SFSWAP: variants seen among roughly 807,000 people sequenced by gnomAD.
SFSWAP encodes splicing factor SWAP.
Under a neutral mutation model 100.7 loss-of-function variants are expected in SFSWAP, and 17 were observed. The observed-to-expected ratio is 0.17, with a 90% CI of 0.12 to 0.25. The LOEUF is 0.25. Among genes scored for constraint, SFSWAP ranks in the 10% least tolerant of loss-of-function variants. The pLI is 1.00. For missense variants in SFSWAP, 1,005 were observed against 1,262.6 expected (o/e 0.80, Z 3.09); for synonymous variants, 504 against 510.1 (o/e 0.99, Z 0.16).
chr12:131,737,371 G>A (rs1017147387), intron 7 of SFSWAP, among the ~76,000 whole-genome samples: 3 of 152,220 alleles, frequency 2.0e-5, no homozygotes, highest in Non-Finnish European at 2.9e-5. Flanking sequence ...AGACAGGAGT[G>A]GCTGACTCAC....
chr12:131,791,180 G>A (rs1311205240), intron 15 of SFSWAP, among the ~76,000 whole-genome samples: 1 of 151,816 alleles, frequency 6.6e-6, no homozygotes, highest in Non-Finnish European at 1.5e-5. Context: ...ATCACCTGGG[G>A]TCAGGAGTTC....
At position 131,781,938 on chromosome 12, in the gene SFSWAP, C is replaced by T. The variant is rs139288252; in HGVS notation, c.2408+3608C>T. 3.9e-5 allele frequency among the ~76,000 whole-genome samples: 6 copies of T among 152,250 alleles called. No individual in the cohort carries two copies. The East Asian group carries it at 1.2e-3, about 29-fold the overall frequency. ...TGTTGGATTGTCTAGCAAGTTCTAC[C>T]GTGGGTGCTGGCCCCTGGCATTGGT... is the stretch of plus-strand genomic sequence containing the variant. On this transcript the variant is annotated intron_variant, in intron 14 of 17. Transcript: ENST00000261674.
At chr12:131,790,494 G>C (rs796597572) in intron 15 of SFSWAP, among the ~76,000 whole-genome samples, 11 of 152,296 alleles carry the variant, frequency 7.2e-5, no homozygotes, top group African/African-American at 2.6e-4. Context: ...AAGTTATTTT[G>C]AGTATGTCAT....
intron 3 of SFSWAP, among the ~76,000 whole-genome samples, chr12:131,717,016 T>A (rs1877981679): frequency 6.6e-6 from 1 of 152,210 alleles, no homozygotes; most frequent in East Asian, 1.9e-4. Flanking sequence ...ATATACTGAT[T>A]AATTTCGTTA....
At chr12:131,786,613 G>T (rs779975946) in intron 15 of SFSWAP, 25 bp downstream of exon 15, 3 of 1,576,294 alleles carry the variant, frequency 1.9e-6, no homozygotes, top group Non-Finnish European at 2.6e-6. Context: ...GTGCACGCAG[G>T]TGCTGGATGT....
chr12:131,781,622 A>G (rs962687489), intron 14 of SFSWAP, among the ~76,000 whole-genome samples: 2 of 152,228 alleles, frequency 1.3e-5, no homozygotes, highest in Non-Finnish European at 2.9e-5. Flanking sequence ...AAAAGAAAAA[A>G]TTAAGGTAAA....
chr12:131,742,630 G>C (rs866169894), intron 7 of SFSWAP, among the ~76,000 whole-genome samples: 1 of 146,894 alleles, frequency 6.8e-6, no homozygotes, highest in Non-Finnish European at 1.5e-5. Context: ...TCTTGTTGGG[G>C]GACTTTTTTT....
intron 7 of SFSWAP, among the ~76,000 whole-genome samples, chr12:131,750,929 C>T (rs1593146679): frequency 6.6e-6 from 1 of 152,312 alleles, no homozygotes; most frequent in Middle Eastern, 3.4e-3. Context: ...CCACCTCAGC[C>T]TACCAAAGTG....
intron 13 of SFSWAP, among the ~76,000 whole-genome samples, chr12:131,775,365 AAC>A (rs1384870151): frequency 2.6e-5 from 4 of 152,294 alleles, no homozygotes; most frequent in African/African-American, 9.6e-5. Context: ...TGACTTCCCG[AAC>A]ACTCACAGGT....
At chr12:131,790,189 A>G (rs909276025) in intron 15 of SFSWAP, among the ~76,000 whole-genome samples, 2 of 152,176 alleles carry the variant, frequency 1.3e-5, no homozygotes, top group Admixed American at 6.5e-5. Context: ...GTGATAATCC[A>G]TTGCTATTAT....
In SFSWAP at chr12:131,711,285, A is replaced by C. The variant is rs759693426; in HGVS notation, c.56A>C (p.Glu19Ala). The change falls in exon 1 of 18, where the codon GAG becomes GCG. Residue 19 changes from glutamate (E) to alanine (A), a missense_variant. Glu to Ala is a moderately radical substitution (Grantham distance 107). This residue lies in a region of SFSWAP where 237 missense variants were observed against 337.0 expected (regional missense o/e 0.70). Transcript: ENST00000261674. The surrounding 1 kb of genome is among the most constrained non-coding windows in gnomAD (Gnocchi z 4.9). ...CCCGAGAGGAAAAGCGGCGCGAAGG[A>C]GGAGGCCGGGCCAGGCGGTGCCGGC... ...AKPERKSGAK[E>A]EAGPGGAGGG... 6.2e-7 allele frequency: 1 copy of C among 1,612,648 alleles called. No individual in the cohort carries two copies. Among genetic ancestry groups the C allele is most frequent in the South Asian group, 1.1e-5 (1 of 91,046 alleles).
At chr12:131,779,203 A>AGCGTGTGTGAAGAGGGCGGCGCGGG (rs1884269995) in intron 14 of SFSWAP, among the ~76,000 whole-genome samples, 3 of 18,890 alleles carry the variant, frequency 1.6e-4, no homozygotes, top group Non-Finnish European at 4.1e-4. Context: ...GGCAGCGCGG[A>AGCGTGTGTGAAGAGGGCGGCGCGGG]TGAGTGTGTG....
chr12:131,720,190 G>C (rs939351707), intron 4 of SFSWAP, among the ~76,000 whole-genome samples: 6 of 152,036 alleles, frequency 3.9e-5, no homozygotes, highest in African/African-American at 1.4e-4. Flanking sequence ...CTTTTTTTCT[G>C]AATATTCATT....
rs748257985 is a variant in SFSWAP, at chr12:131,728,369, C to A, written c.1022C>A (p.Thr341Asn). The A allele has an allele frequency of 1.2e-6, 2 of 1,614,094 alleles. No homozygotes were observed. The highest frequency in any genetic ancestry group is 2.7e-5 in the African/African-American group (2 of 74,940). The change falls in exon 7 of 18, where the codon ACC (threonine) becomes AAC (asparagine). Residue 341 changes from threonine (T) to asparagine (N), a missense_variant. Transcript: ENST00000261674. ...GCACAGGCTGACAGTTCCACTCCCACCCCACACAACGCAGACGGTGCGCCT... is the reference window on the plus strand; with the variant it reads ...GCACAGGCTGACAGTTCCACTCCCAACCCACACAACGCAGACGGTGCGCCT... ...RKAQADSSTP[T>N]PHNADGAPVQ...
In SFSWAP at chr12:131,754,820, A is replaced by G. The variant is rs181329097; in HGVS notation, c.1454+321A>G. ...GGTTAATTTTTGTATTTTGGTAGAG[A>G]CAGGGTTTCACTGTGTTGGCCAGGC... On this transcript the variant is annotated intron_variant, in intron 9 of 17. Transcript: ENST00000261674. Among the ~76,000 whole-genome samples, 32 of 151,758 alleles carry G rather than the reference A, an allele frequency of 2.1e-4. No homozygotes were observed. The East Asian group carries it at 6.2e-3, about 30-fold the overall frequency.
At chr12:131,769,126 CA>C (rs11406090) in intron 13 of SFSWAP, among the ~76,000 whole-genome samples, 3 of 146,896 alleles carry the variant, frequency 2.0e-5, no homozygotes, top group African/African-American at 5.0e-5. Flanking sequence ...GACTCCTTCT[CA>C]AAAAAAAAAA....
chr12:131,761,645 C>CCTA (rs1882689991), intron 11 of SFSWAP, among the ~76,000 whole-genome samples: 1 of 152,160 alleles, frequency 6.6e-6, no homozygotes, highest in Non-Finnish European at 1.5e-5. Context: ...CAGCGTGAGA[C>CCTA]CTACTCACTG....
intron 13 of SFSWAP, among the ~76,000 whole-genome samples, chr12:131,776,175 GAGAA>G (rs1362672969): frequency 2.0e-5 from 3 of 152,188 alleles, no homozygotes; most frequent in African/African-American, 7.2e-5. Context: ...AATTTTAAAT[GAGAA>G]AGACCTTTTT....
intron 14 of SFSWAP, chr12:131,785,293 C>A: frequency 1.5e-4 from 163 of 1,062,972 alleles, no homozygotes; most frequent in East Asian, 2.2e-4. Flanking sequence ...GGGAAAAAAT[C>A]AAAACGATTC....
Sources: allele counts gnomAD v4.1 joint callset (sites outside exome capture counted in the v4.1 genomes callset), GRCh38; gene constraint gnomAD v4.1.1; regional missense constraint gnomAD v4.1.1; non-coding constraint Gnocchi (gnomAD v3.1); transcripts MANE v1.5; gene names NCBI Gene and HGNC (gene_info 2026-07-23, HGNC 2026-07-21).